PCDH7: variants seen among roughly 807,000 people sequenced by gnomAD.
The protein encoded by PCDH7 is protocadherin 7.
In PCDH7, 17 loss-of-function variants were observed where a neutral mutation model predicts 58.9. The observed-to-expected ratio is 0.29, with a 90% CI of 0.20 to 0.43. The LOEUF (loss-of-function observed/expected upper bound fraction) is 0.43. PCDH7 is among the 20% of genes least tolerant of loss of function. PCDH7 has a pLI of 1.00. For missense variants in PCDH7, 1,274 were observed against 1,441.0 expected, an observed-to-expected ratio of 0.88 and a Z score of 1.88; for synonymous variants, 664 against 616.4, an observed-to-expected ratio of 1.08 and a Z score of -1.14.
intron 2 of PCDH7, among the ~76,000 whole-genome samples, chr4:30,948,272 T>A (rs1250638418): frequency 1.3e-5 from 2 of 150,680 alleles, no homozygotes; most frequent in African/African-American, 4.9e-5. Flanking sequence ...AGTCTTAGCA[T>A]ATTAGCAACT....
chr4:31,018,690 G>A (rs964183515), intron 3 of PCDH7, among the ~76,000 whole-genome samples: 2 of 152,162 alleles, frequency 1.3e-5, no homozygotes, highest in Non-Finnish European at 2.9e-5. Flanking sequence ...CTGACAATTT[G>A]CAGCATCTCA....
Position 30,847,187 on chromosome 4 carries a change from T to G in PCDH7, c.71-72966T>G, listed in dbSNP as rs1578029438. ...TTAAAAAAGGTTTTAACTTTATTCA[T>G]AATTTATAATGCTACTATCAGATTT... On this transcript the variant is annotated intron_variant, in intron 1 of 3. Transcript: ENST00000509759. Among the ~76,000 whole-genome samples the G allele has an allele frequency of 2.0e-5, 3 of 152,240 alleles. No homozygotes were observed. The South Asian group carries it at 6.2e-4, about 32-fold the overall frequency.
chr4:31,019,771 T>TAC (rs1230268905), intron 3 of PCDH7, among the ~76,000 whole-genome samples: 2 of 151,406 alleles, frequency 1.3e-5, no homozygotes, highest in African/African-American at 4.9e-5. Flanking sequence ...AAGACACATA[T>TAC]ACACACATGT....
At chr4:31,078,436 A>G (rs1759183239) in intron 3 of PCDH7, among the ~76,000 whole-genome samples, 1 of 151,602 alleles carries the variant, frequency 6.6e-6, no homozygotes, top group Non-Finnish European at 1.5e-5. Context: ...GCACATGTCA[A>G]TATGCTTGGC....
chr4:30,726,697 C>A (rs965609004), intron 1 of PCDH7, among the ~76,000 whole-genome samples: 1 of 151,966 alleles, frequency 6.6e-6, no homozygotes, highest in African/African-American at 2.4e-5. Context: ...GAAAACTTTT[C>A]TGTCATTACA....
chr4:30,928,679 G>T (rs1312639183), intron 2 of PCDH7, among the ~76,000 whole-genome samples: 1 of 152,116 alleles, frequency 6.6e-6, no homozygotes, highest in Non-Finnish European at 1.5e-5. Context: ...AATTATAGAC[G>T]CAAGTTTTGA....
chr4:30,875,288 A>G (rs1736145001), intron 1 of PCDH7, among the ~76,000 whole-genome samples: 1 of 151,860 alleles, frequency 6.6e-6, no homozygotes, highest in African/African-American at 2.4e-5. Context: ...CTTCTTAAGG[A>G]CTCTAGTAAT....
intron 3 of PCDH7, among the ~76,000 whole-genome samples, chr4:30,990,517 T>C (rs1057157290): frequency 2.0e-5 from 3 of 152,172 alleles, no homozygotes; most frequent in Admixed American, 2.0e-4. Flanking sequence ...AAATAGTCAC[T>C]TTGGTTTACA....
chr4:30,799,012 CAT>C (rs1725162188), intron 1 of PCDH7, among the ~76,000 whole-genome samples: 1 of 152,158 alleles, frequency 6.6e-6, no homozygotes, highest in South Asian at 2.1e-4. Flanking sequence ...TAAAACAATT[CAT>C]ATGATTTCAT....
intron 1 of PCDH7, among the ~76,000 whole-genome samples, chr4:30,833,931 G>T (rs971105849): frequency 6.6e-6 from 1 of 152,198 alleles, no homozygotes; most frequent in Non-Finnish European, 1.5e-5. Context: ...TAAGTAAGAG[G>T]TGGTGCATTT....
chr4:31,128,055 A>G (rs182492149), intron 3 of PCDH7, among the ~76,000 whole-genome samples: 5 of 151,346 alleles, frequency 3.3e-5, no homozygotes, highest in Non-Finnish European at 1.5e-5. Context: ...ACATATGCAT[A>G]CATATGTATA....
intron 3 of PCDH7, among the ~76,000 whole-genome samples, chr4:31,019,585 A>C (rs546104138): frequency 1.0e-3 from 153 of 151,954 alleles, no homozygotes; most frequent in Non-Finnish European, 1.6e-3. Flanking sequence ...AATCCCAGCT[A>C]CTTGGGAGGC....
At position 30,730,596 on chromosome 4, in the gene PCDH7, C is replaced by T. The variant is rs578089509; in HGVS notation, c.3175-157C>T. On this transcript the variant is annotated intron_variant, in intron 1 of 1. Transcript: ENST00000361762. ...TGACAAGTTAACTTCCCCCACCCCC[C>T]AAGTGTATTTATTATTTACAAACAC... 2.0e-5 allele frequency among the ~76,000 whole-genome samples: 3 copies of T among 152,246 alleles called. No homozygotes were observed. The South Asian group carries it at 6.2e-4, about 32-fold the overall frequency.
intron 3 of PCDH7, among the ~76,000 whole-genome samples, chr4:31,026,564 G>A (rs1351970051): frequency 6.6e-6 from 1 of 152,200 alleles, no homozygotes; most frequent in African/African-American, 2.4e-5. Flanking sequence ...AGCTGAAAGT[G>A]TATATGTCTG....
At chr4:30,998,874 C>T (rs1752123585) in intron 3 of PCDH7, among the ~76,000 whole-genome samples, 1 of 151,950 alleles carries the variant, frequency 6.6e-6, no homozygotes, top group South Asian at 2.1e-4. Flanking sequence ...TGAAAATATG[C>T]AATTGGAAAG....
At chr4:30,787,778 T>C (rs1723603181) in intron 1 of PCDH7, among the ~76,000 whole-genome samples, 1 of 152,084 alleles carries the variant, frequency 6.6e-6, no homozygotes. Context: ...TGCACTTATG[T>C]GTGCGTGTAC....
At chr4:30,850,786 C>T (rs541212029) in intron 1 of PCDH7, among the ~76,000 whole-genome samples, 5 of 152,190 alleles carry the variant, frequency 3.3e-5, no homozygotes, top group South Asian at 2.1e-4. Context: ...CCAGACCTTG[C>T]GTTTTTGGTT....
chr4:31,072,819 T>A (rs28695676), intron 3 of PCDH7, among the ~76,000 whole-genome samples: 3,976 of 152,176 alleles, frequency 0.026, 180 homozygotes, highest in African/African-American at 0.09. Flanking sequence ...CTCAATGAAA[T>A]CAATGGGTGA....
chr4:30,764,611 C>T (rs548987744), intron 1 of PCDH7, among the ~76,000 whole-genome samples: 1 of 152,070 alleles, frequency 6.6e-6, no homozygotes, highest in Non-Finnish European at 1.5e-5. Context: ...CTTTGAAATA[C>T]CAGCCTTAGG....
Sources: gnomAD v4.1 joint callset for allele counts (sites outside exome capture counted in the v4.1 genomes callset) on GRCh38, gnomAD v4.1.1 for gene constraint, MANE v1.5 for transcripts, NCBI Gene and HGNC (gene_info 2026-07-23, HGNC 2026-07-21) for gene names.